PLD5: variants seen among roughly 807,000 people sequenced by gnomAD.
PLD5 encodes inactive phospholipase D5.
PLD5 carries 36 observed loss-of-function variants against 61.1 expected under a neutral mutation model. The ratio of observed to expected loss-of-function variants is 0.59; its 90% CI spans 0.45 to 0.78. The LOEUF (loss-of-function observed/expected upper bound fraction) is 0.78, where lower values mean the gene tolerates loss of function less well. Among genes scored for constraint, PLD5 ranks in the 30% least tolerant of loss-of-function variants. The pLI, the probability that PLD5 is intolerant of heterozygous loss-of-function variation, is 0.00. For synonymous variants in PLD5, 243 were observed against 242.8 expected (o/e 1.00, Z -0.01); for missense variants, 515 against 644.4 (o/e 0.80, Z 2.17).
At chr1:242,405,543 T>C (rs145799856) in intron 1 of PLD5, among the ~76,000 whole-genome samples, 3 of 152,114 alleles carry the variant, frequency 2.0e-5, no homozygotes, top group Non-Finnish European at 2.9e-5. Context: ...CCCAGACACC[T>C]TTTTCTCCAG....
intron 1 of PLD5, among the ~76,000 whole-genome samples, chr1:242,364,435 A>C (rs1661230284): frequency 1.3e-5 from 2 of 152,314 alleles, no homozygotes; most frequent in South Asian, 4.1e-4. Context: ...AATTTTAGAA[A>C]GCCAGGAGCA....
chr1:242,466,892 C>CAAA (rs10716134), intron 1 of PLD5, among the ~76,000 whole-genome samples: 43 of 141,652 alleles, frequency 3.0e-4, no homozygotes, highest in African/African-American at 1.0e-3. Flanking sequence ...GACTCCATCT[C>CAAA]AAAAAAAAAA....
rs1215230611 is a variant in PLD5, at chr1:242,083,353, A to G, written c.*6501T>C. On this transcript the variant is annotated 3_prime_UTR_variant, in exon 10 of 10. Transcript: ENST00000536534. The stretch of plus-strand genomic sequence containing the variant: ...TAGGCCGCCCTCTGGCCTGAAAATG[A>G]GTCTCTTTGGGTCGGGTACTGAACC... 6.6e-6 allele frequency: 1 copy of G among 152,206 alleles called. No homozygotes were observed. The highest frequency in any genetic ancestry group is 1.5e-5 in the Non-Finnish European group (1 of 68,072). The allele number at this position is 152,206 out of a possible 1,614,324, so 9.4% of individuals were successfully genotyped here.
In PLD5 at chr1:242,239,760, G is replaced by A. The variant is rs537412381; in HGVS notation, c.608-19645C>T. Reference sequence around the variant, plus strand: ...GTCGTTTAATCTCTCAGAGCCCCACGTAAAAAAGGAAACAATAATAGAACA... The same window carrying A: ...GTCGTTTAATCTCTCAGAGCCCCACATAAAAAAGGAAACAATAATAGAACA... On this transcript the variant is annotated intron_variant, in intron 4 of 9. Transcript: ENST00000536534. Among the ~76,000 whole-genome samples, 11 of 152,194 alleles carry A rather than the reference G, an allele frequency of 7.2e-5. No homozygotes were observed. In the East Asian group the frequency reaches 7.7e-4, roughly 11 times the overall value.
chr1:242,104,298 T>C lies in PLD5; in HGVS notation c.1239+3373A>G, dbSNP rs983312580. 3.8e-5 allele frequency among the ~76,000 whole-genome samples: 3 copies of C among 79,542 alleles called. No individual in the cohort carries two copies. In the South Asian group the frequency reaches 1.6e-3, roughly 41 times the overall value. 52.2% of individuals were successfully genotyped at this position (79,542 alleles called of 152,430 possible). On this transcript the variant is annotated intron_variant, in intron 8 of 9. Coordinates refer to ENST00000536534, the MANE Select transcript of PLD5 (RefSeq NM_001372062.1). The stretch of plus-strand genomic sequence containing the variant: ...ACCACCACACCTGGCTAGTTTTTGC[T>C]TTTTTTTTTTTTTTTTGTAGAAATA...
chr1:242,254,348 GAAAAAA>G (rs59783629), intron 4 of PLD5, among the ~76,000 whole-genome samples: 1 of 132,680 alleles, frequency 7.5e-6, no homozygotes, highest in East Asian at 2.1e-4. Flanking sequence ...TCATTTAACT[GAAAAAA>G]AAAAAAAAAA....
chr1:242,491,091 T>C (rs547205569), intron 1 of PLD5, among the ~76,000 whole-genome samples: 1 of 152,350 alleles, frequency 6.6e-6, no homozygotes, highest in African/African-American at 2.4e-5. Flanking sequence ...ATTATATTTC[T>C]AATTCCCACT....
chr1:242,168,975 C>A (rs10926631), intron 5 of PLD5, among the ~76,000 whole-genome samples: 18,903 of 150,002 alleles, frequency 0.13, 1,715 homozygotes, highest in East Asian at 0.42. Flanking sequence ...TAAATTTATG[C>A]CCACAACATA....
intron 1 of PLD5, among the ~76,000 whole-genome samples, chr1:242,469,321 C>CT (rs1667370424): frequency 6.6e-6 from 1 of 152,104 alleles, no homozygotes; most frequent in Non-Finnish European, 1.5e-5. Context: ...AATCATTTTT[C>CT]TTTTTTGATA....
At chr1:242,236,990 T>C (rs943427826) in intron 4 of PLD5, among the ~76,000 whole-genome samples, 19 of 152,218 alleles carry the variant, frequency 1.2e-4, no homozygotes, top group Non-Finnish European at 2.1e-4. Flanking sequence ...GAATCCAGGA[T>C]ACTGAAAAAT....
chr1:242,093,146 C>T (rs114860988), intron 9 of PLD5, among the ~76,000 whole-genome samples: 1,555 of 152,280 alleles, frequency 0.01, 12 homozygotes, highest in Middle Eastern at 0.068. Context: ...TGCCCAGAGA[C>T]CCCCGTGGCC....
intron 4 of PLD5, among the ~76,000 whole-genome samples, chr1:242,223,500 G>T (rs932026064): frequency 6.6e-5 from 10 of 152,160 alleles, no homozygotes; most frequent in African/African-American, 2.4e-4. Flanking sequence ...TTCACAGTCT[G>T]CCCAGGGCCC....
chr1:242,084,891 C>T lies in PLD5; in HGVS notation c.*4963G>A, dbSNP rs1659384313. On this transcript the variant is annotated 3_prime_UTR_variant, in exon 10 of 10. Coordinates refer to ENST00000536534, the MANE Select transcript of PLD5 (RefSeq NM_001372062.1). Reference sequence around the variant, plus strand: ...TTCTTCATAATTTACCACAGTACAGCTTGGTTACTGATGAGAGACTGATTT... The same window carrying T: ...TTCTTCATAATTTACCACAGTACAGTTTGGTTACTGATGAGAGACTGATTT... 6.6e-6 allele frequency: 1 copy of T among 150,452 alleles called. No individual in the cohort carries two copies. The highest frequency in any genetic ancestry group is 2.4e-5 in the African/African-American group (1 of 40,916). The allele number at this position is 150,452 out of a possible 1,614,324, so 9.3% of individuals were successfully genotyped here. A position where few individuals can be genotyped will look rare whatever the true frequency, so the allele number is the denominator to read the frequency against.
chr1:242,469,683 A>T (rs867100935), intron 1 of PLD5, among the ~76,000 whole-genome samples: 1 of 152,028 alleles, frequency 6.6e-6, no homozygotes, highest in African/African-American at 2.4e-5. Flanking sequence ...GCTAATTTTT[A>T]AAAAATTTTT....
intron 5 of PLD5, among the ~76,000 whole-genome samples, chr1:242,199,619 T>A (rs1668858464): frequency 2.0e-5 from 3 of 152,064 alleles, no homozygotes. Context: ...CTTCAGTGTA[T>A]CCACTGAAGG....
chr1:242,376,976 C>G (rs759926475), intron 1 of PLD5: 2 of 1,611,550 alleles, frequency 1.2e-6, no homozygotes, highest in Admixed American at 3.3e-5. Flanking sequence ...TGCCGTGTAT[C>G]CGCATGTGAG....
At chr1:242,468,644 A>C (rs1486334663) in intron 1 of PLD5, among the ~76,000 whole-genome samples, 1 of 151,984 alleles carries the variant, frequency 6.6e-6, no homozygotes, top group Admixed American at 6.6e-5. Flanking sequence ...ATGATGGACT[A>C]TTCTGGGTCA....
chr1:242,134,375 G>A (rs1663536940), intron 5 of PLD5, among the ~76,000 whole-genome samples: 1 of 141,220 alleles, frequency 7.1e-6, no homozygotes, highest in African/African-American at 2.7e-5. Flanking sequence ...ACTGGGTGAT[G>A]TAGCCTTCAG....
chr1:242,330,991 C>A (rs1659134189), intron 2 of PLD5, among the ~76,000 whole-genome samples: 1 of 152,096 alleles, frequency 6.6e-6, no homozygotes. Flanking sequence ...CCCCAAACCA[C>A]TTCCTTCTTC....
Sources: gnomAD v4.1 joint callset for allele counts (sites outside exome capture counted in the v4.1 genomes callset) on GRCh38, gnomAD v4.1.1 for gene constraint, MANE v1.5 for transcripts, NCBI Gene and HGNC (gene_info 2026-07-23, HGNC 2026-07-21) for gene names.